LRRD1: variants seen among roughly 807,000 people sequenced by gnomAD.
LRRD1 encodes leucine-rich repeat and death domain-containing protein 1.
A neutral mutation model predicts 69.5 loss-of-function variants in LRRD1; 49 were observed. The ratio of observed to expected loss-of-function variants is 0.70; its 90% CI spans 0.56 to 0.89. The LOEUF is 0.89. Among genes scored for constraint, LRRD1 ranks in the 40% least tolerant of loss-of-function variants. LRRD1 has a pLI of 0.00. For missense variants in LRRD1, 853 were observed against 956.0 expected (o/e 0.89, Z 1.42); for synonymous variants, 303 against 338.9 (o/e 0.89, Z 1.16).
Position 92,150,432 on chromosome 7 carries a change from T to C in LRRD1, c.2278+102A>G, listed in dbSNP as rs1300914977. The C allele has an allele frequency of 6.7e-6, 7 of 1,042,180 alleles. No individual in the cohort carries two copies. The Admixed American group carries it at 2.1e-4, about 32-fold the overall frequency. The allele number at this position is 1,042,180 out of a possible 1,614,324, so 64.6% of individuals were successfully genotyped here. ...GTGAGTCGTGATCATGCCACTGCAG[T>C]CCAGCCTGGGTGTCAGAGTGAGACC... On this transcript the variant is annotated intron_variant, in intron 4 of 5. Transcript: ENST00000458448.
At position 92,146,078 on chromosome 7, in the gene LRRD1, C is replaced by G; in HGVS notation, c.2396+5G>C. On this transcript the variant is annotated splice_donor_5th_base_variant and intron_variant, in intron 5 of 5. Transcript: ENST00000458448. ...TTTGTACTAAATGCTGTCATTTATA[C>G]ATACCTCTTTGTAGGCATATCAGTT... 1 of 1,430,918 alleles carries G rather than the reference C, an allele frequency of 7.0e-7. No homozygotes were observed. Among genetic ancestry groups the G allele is most frequent in the Non-Finnish European group, 9.4e-7 (1 of 1,058,636 alleles). The allele number at this position is 1,430,918 out of a possible 1,614,324, so 88.6% of individuals were successfully genotyped here. A position where few individuals can be genotyped will look rare whatever the true frequency, so the allele number is the denominator to read the frequency against.
At chr7:92,149,773 G>A (rs1264737668) in intron 4 of LRRD1, 8 of 265,952 alleles carry the variant, frequency 3.0e-5, no homozygotes, top group Non-Finnish European at 6.5e-5. Context: ...GGCTGGTCTC[G>A]AACTTCTGAG....
At chr7:92,169,084 A>G (rs1325513724) in intron 1 of LRRD1, among the ~76,000 whole-genome samples, 1 of 152,144 alleles carries the variant, frequency 6.6e-6, no homozygotes, top group African/African-American at 2.4e-5. Context: ...ATATCTAGCT[A>G]ATTTTTGTAT....
At chr7:92,161,366 A>G (rs764705133) in intron 2 of LRRD1, among the ~76,000 whole-genome samples, 4 of 152,256 alleles carry the variant, frequency 2.6e-5, no homozygotes, top group Non-Finnish European at 4.4e-5. Context: ...TGACCTTTGC[A>G]ATGATGTTGC....
At chr7:92,160,183 G>A (rs1252299973) in intron 2 of LRRD1, among the ~76,000 whole-genome samples, 1 of 151,938 alleles carries the variant, frequency 6.6e-6, no homozygotes, top group African/African-American at 2.4e-5. Context: ...CATTATGAGT[G>A]GCTTTTGAAA....
At chr7:92,174,575 T>G (rs1217066552) in intron 1 of LRRD1, among the ~76,000 whole-genome samples, 2 of 127,146 alleles carry the variant, frequency 1.6e-5, no homozygotes, top group African/African-American at 5.9e-5. Context: ...TGGCACAATC[T>G]CGGTTCACAG....
downstream of LRRD1, chr7:92,142,457 A>G (rs1820178535): frequency 2.2e-6 from 1 of 456,730 alleles, no homozygotes. Flanking sequence ...AAGACTCATA[A>G]CCTACCCGCA....
chr7:92,172,222 C>G (rs1339943274), intron 1 of LRRD1, among the ~76,000 whole-genome samples: 1 of 152,198 alleles, frequency 6.6e-6, no homozygotes, highest in East Asian at 1.9e-4. Context: ...TATATGATAT[C>G]TACAGCTAAC....
intron 3 of LRRD1, among the ~76,000 whole-genome samples, chr7:92,156,926 G>A (rs1397249986): frequency 6.6e-6 from 1 of 151,508 alleles, no homozygotes; most frequent in Non-Finnish European, 1.5e-5. Context: ...ATTTTTTCAA[G>A]TTGAGGAAAT....
At chr7:92,174,496 TATATATATA>T (rs1789131193) in intron 1 of LRRD1, among the ~76,000 whole-genome samples, 3 of 20,678 alleles carry the variant, frequency 1.5e-4, no homozygotes, top group African/African-American at 4.0e-4. Context: ...TATATATATA[TATATATATA>T]TATATTTTTT....
chr7:92,171,739 C>T (rs531799875), intron 1 of LRRD1, among the ~76,000 whole-genome samples: 12 of 152,284 alleles, frequency 7.9e-5, no homozygotes, highest in African/African-American at 2.4e-4. Flanking sequence ...GCTAATATCT[C>T]TGATGAACAT....
At chr7:92,143,039 G>C (rs374248647), downstream of LRRD1, 2 of 212,988 alleles carry the variant, frequency 9.4e-6, no homozygotes, top group Non-Finnish European at 1.9e-5. Flanking sequence ...CAGAGAGCCC[G>C]AGTGGTCTAT....
downstream of LRRD1, among the ~76,000 whole-genome samples, chr7:92,143,470 G>T (rs915510198): frequency 2.0e-5 from 3 of 152,214 alleles, no homozygotes; most frequent in Non-Finnish European, 4.4e-5. Flanking sequence ...ACGGAAGTGG[G>T]GGAGGCTCGG....
At chr7:92,150,064 A>G in intron 4 of LRRD1, 1 of 286,658 alleles carries the variant, frequency 3.5e-6, no homozygotes, top group Admixed American at 3.9e-5. Flanking sequence ...AATCTGAATT[A>G]TCAAAACAAA....
At chr7:92,145,358 AC>A (rs1820292273) in intron 5 of LRRD1, among the ~76,000 whole-genome samples, 1 of 152,020 alleles carries the variant, frequency 6.6e-6, no homozygotes, top group Non-Finnish European at 1.5e-5. Flanking sequence ...AATTCAATTT[AC>A]ATTCAGTTCT....
chr7:92,150,413 C>G (rs935278067), intron 4 of LRRD1, 121 bp downstream of exon 4: 4 of 809,718 alleles, frequency 4.9e-6, no homozygotes, highest in Non-Finnish European at 7.2e-6. Flanking sequence ...TGCAGTGAGT[C>G]GTGATCATGC....
intron 3 of LRRD1, among the ~76,000 whole-genome samples, chr7:92,157,655 C>T (rs150287338): frequency 7.9e-5 from 12 of 152,032 alleles, no homozygotes; most frequent in Non-Finnish European, 1.2e-4. Context: ...TTGCAACCCC[C>T]GCCTCCTGGG....
intron 3 of LRRD1, among the ~76,000 whole-genome samples, chr7:92,152,140 A>AGTGTGTGTGTGTGT (rs71528038): frequency 0.07 from 10,024 of 142,730 alleles, 878 homozygotes; most frequent in African/African-American, 0.2. Context: ...TGCTTCTGGG[A>AGTGTGTGTGTGTGT]GTGTGTGTGT....
At chr7:92,161,074 T>C (rs183476589) in intron 2 of LRRD1, among the ~76,000 whole-genome samples, 22 of 152,344 alleles carry the variant, frequency 1.4e-4, no homozygotes, top group Admixed American at 1.3e-3. Context: ...GAAACAAATA[T>C]TCTTTAATTA....
Sources: gnomAD v4.1 joint callset for allele counts (sites outside exome capture counted in the v4.1 genomes callset) on GRCh38, gnomAD v4.1.1 for gene constraint, MANE v1.5 for transcripts, NCBI Gene and HGNC (gene_info 2026-07-23, HGNC 2026-07-21) for gene names.